GRID2: variants seen among roughly 807,000 people sequenced by gnomAD.
GRID2 encodes glutamate receptor ionotropic, delta-2.
GRID2 carries 33 observed loss-of-function variants against 114.8 expected under a neutral mutation model. That is an observed-to-expected ratio of 0.29 (90% CI 0.22 to 0.38). The LOEUF is 0.38. Among genes scored for constraint, GRID2 ranks in the 10% least tolerant of loss-of-function variants. GRID2 has a pLI of 1.00. For synonymous variants in GRID2, 505 were observed against 449.9 expected, an observed-to-expected ratio of 1.12 and a Z score of -1.55; for missense variants, 1,184 against 1,257.7, an observed-to-expected ratio of 0.94 and a Z score of 0.89.
chr4:93,075,136 G>A (rs541124073), intron 2 of GRID2, among the ~76,000 whole-genome samples: 1 of 152,144 alleles, frequency 6.6e-6, no homozygotes, highest in Non-Finnish European at 1.5e-5. Flanking sequence ...ATCCTTGCAA[G>A]GATAATTTAA....
intron 8 of GRID2, among the ~76,000 whole-genome samples, chr4:93,283,438 T>C (rs1270816980): frequency 6.6e-6 from 1 of 152,016 alleles, no homozygotes; most frequent in Non-Finnish European, 1.5e-5. Context: ...GCCTAACATA[T>C]CAGAATCACC....
intron 14 of GRID2, among the ~76,000 whole-genome samples, chr4:93,720,618 T>C (rs956729549): frequency 2.0e-5 from 3 of 152,194 alleles, no homozygotes; most frequent in African/African-American, 7.2e-5. Context: ...TATCATTAAA[T>C]GGACCCTGCT....
At chr4:93,000,308 T>C (rs1755460580) in intron 2 of GRID2, among the ~76,000 whole-genome samples, 4 of 151,700 alleles carry the variant, frequency 2.6e-5, no homozygotes, top group Non-Finnish European at 5.9e-5. Flanking sequence ...ATAATAATTA[T>C]ATTTAAAATA....
intron 14 of GRID2, among the ~76,000 whole-genome samples, chr4:93,703,639 TC>T (rs1294247855): frequency 1.2e-5 from 1 of 85,834 alleles, no homozygotes; most frequent in Non-Finnish European, 2.2e-5. Context: ...ATGCTATCCC[TC>T]CCCCCTCCCC....
At chr4:93,265,710 G>A (rs1750747013) in intron 8 of GRID2, among the ~76,000 whole-genome samples, 1 of 152,076 alleles carries the variant, frequency 6.6e-6, no homozygotes, top group Admixed American at 6.6e-5. Flanking sequence ...CTCAATTTTG[G>A]TGAATTAGTG....
intron 13 of GRID2, among the ~76,000 whole-genome samples, chr4:93,606,223 C>A (rs979701189): frequency 6.6e-6 from 1 of 151,904 alleles, no homozygotes; most frequent in Non-Finnish European, 1.5e-5. Context: ...GCTGAGATCA[C>A]GCCTCTGCAC....
At position 92,397,342 on chromosome 4, in the gene GRID2, A is replaced by ATGTGTGTGTGTGTG. The variant is rs58085283; in HGVS notation, c.88+92628_88+92641dup. Reference sequence around the variant, plus strand: ...TTATAATAAAACTCTGTGTGTTTGTATGTGTGTGTGTGTGTGTGTGTGTGT... The same window carrying ATGTGTGTGTGTGTG: ...TTATAATAAAACTCTGTGTGTTTGTATGTGTGTGTGTGTGTGTGTGTGTGTGTGTGTGTGTGTGT... On this transcript the variant is annotated intron_variant, in intron 1 of 15. Transcript: ENST00000282020. Among the ~76,000 whole-genome samples, 141 of 142,766 alleles carry ATGTGTGTGTGTGTG rather than the reference A, an allele frequency of 9.9e-4. 1 individual carries two copies. Among genetic ancestry groups the ATGTGTGTGTGTGTG allele is most frequent in the Middle Eastern group, 3.6e-3 (1 of 276 alleles). 93.7% of individuals were successfully genotyped at this position (142,766 alleles called of 152,430 possible). A position where few individuals can be genotyped will look rare whatever the true frequency, so the allele number is the denominator to read the frequency against.
chr4:93,034,989 T>G (rs1196987642), intron 2 of GRID2, among the ~76,000 whole-genome samples: 1 of 152,142 alleles, frequency 6.6e-6, no homozygotes, highest in African/African-American at 2.4e-5. Context: ...AGTACACGAC[T>G]ACATTAAAAA....
chr4:93,539,793 C>T (rs1732469397), intron 13 of GRID2, among the ~76,000 whole-genome samples: 1 of 151,936 alleles, frequency 6.6e-6, no homozygotes, highest in South Asian at 2.1e-4. Context: ...AGAAATATGT[C>T]TGATGGGTTT....
chr4:93,649,099 T>G (rs1489622659), intron 14 of GRID2, among the ~76,000 whole-genome samples: 1 of 152,164 alleles, frequency 6.6e-6, no homozygotes, highest in Non-Finnish European at 1.5e-5. Flanking sequence ...TTTCTTCTAC[T>G]TGATCAACCA....
Position 92,686,347 on chromosome 4 carries a change from T to G in GRID2, c.244+96061T>G, listed in dbSNP as rs371971123. On this transcript the variant is annotated intron_variant, in intron 2 of 15. Coordinates refer to ENST00000282020, the MANE Select transcript of GRID2 (RefSeq NM_001510.4). The stretch of plus-strand genomic sequence containing the variant: ...ATAATAATAAAATTTTAAATGCTAT[T>G]TCTGTTATGTGGGAATTTTCTAGTT... Among the ~76,000 whole-genome samples, 5 of 152,182 alleles carry G rather than the reference T, an allele frequency of 3.3e-5. No homozygotes were observed. The East Asian group carries it at 7.7e-4, about 23-fold the overall frequency.
intron 1 of GRID2, among the ~76,000 whole-genome samples, chr4:92,386,957 A>G (rs1729990857): frequency 1.3e-5 from 2 of 151,938 alleles, no homozygotes; most frequent in Non-Finnish European, 2.9e-5. Context: ...TGTGCAATGT[A>G]TAATACATAT....
intron 4 of GRID2, among the ~76,000 whole-genome samples, chr4:93,154,014 A>G (rs1736954431): frequency 1.3e-5 from 2 of 152,068 alleles, no homozygotes; most frequent in African/African-American, 4.8e-5. Flanking sequence ...TAGTGAGCAA[A>G]TGATCCCTAA....
intron 2 of GRID2, among the ~76,000 whole-genome samples, chr4:92,794,874 TTATATATATATATATATA>T (rs34559735): frequency 9.4e-6 from 1 of 106,036 alleles, no homozygotes; most frequent in African/African-American, 4.2e-5. Context: ...AATAATTGTT[TTATATATATATATATATA>T]TATATATATA....
intron 2 of GRID2, among the ~76,000 whole-genome samples, chr4:92,691,806 A>G (rs1024447514): frequency 1.3e-5 from 2 of 152,182 alleles, no homozygotes; most frequent in Non-Finnish European, 2.9e-5. Flanking sequence ...CTATAAAAGT[A>G]TCACTTTCCA....
intron 2 of GRID2, among the ~76,000 whole-genome samples, chr4:93,067,519 G>T (rs545595160): frequency 3.3e-5 from 5 of 152,066 alleles, no homozygotes; most frequent in Admixed American, 3.3e-4. Context: ...ATAAGGCTCT[G>T]CCTTCATGAC....
intron 1 of GRID2, among the ~76,000 whole-genome samples, chr4:92,464,161 G>T (rs997094931): frequency 2.0e-5 from 3 of 151,892 alleles, no homozygotes; most frequent in African/African-American, 7.3e-5. Context: ...TCTGTGATGA[G>T]TAAATTAAGA....
chr4:92,512,431 A>G (rs1323814385), intron 1 of GRID2, among the ~76,000 whole-genome samples: 1 of 151,870 alleles, frequency 6.6e-6, no homozygotes, highest in Non-Finnish European at 1.5e-5. Context: ...ATTCTAAAAC[A>G]TAGTAAGCTT....
At chr4:93,675,669 C>G (rs182197651) in intron 14 of GRID2, among the ~76,000 whole-genome samples, 47 of 152,314 alleles carry the variant, frequency 3.1e-4, no homozygotes, top group Non-Finnish European at 1.2e-4. Flanking sequence ...CACATCTAAC[C>G]ACTTTGCTCT....
Sources: gnomAD v4.1 joint callset for allele counts (sites outside exome capture counted in the v4.1 genomes callset) on GRCh38, gnomAD v4.1.1 for gene constraint, MANE v1.5 for transcripts, NCBI Gene and HGNC (gene_info 2026-07-23, HGNC 2026-07-21) for gene names.